SYNE2: variants seen among roughly 807,000 people sequenced by gnomAD.
SYNE2 encodes the protein nesprin-2.
SYNE2 carries 431 observed loss-of-function variants against 856.3 expected under a neutral mutation model. The observed-to-expected ratio is 0.50, with a 90% CI of 0.47 to 0.55. The LOEUF is 0.55. Among genes scored for constraint, SYNE2 ranks in the 20% least tolerant of loss-of-function variants. SYNE2 has a pLI of 0.00. For synonymous variants in SYNE2, 2,923 were observed against 2,872.3 expected, an observed-to-expected ratio of 1.02 and a Z score of -0.56; for missense variants, 8,129 against 8,023.2, an observed-to-expected ratio of 1.01 and a Z score of -0.50.
chr14:64,000,740 A>G (rs769430969), intron 28 of SYNE2, 21 bp downstream of exon 28: 1 of 1,603,156 alleles, frequency 6.2e-7, no homozygotes, highest in Admixed American at 1.7e-5. Flanking sequence ...GAGATCTATT[A>G]ACTATGAATC....
intron 25 of SYNE2, among the ~76,000 whole-genome samples, chr14:63,997,620 T>G (rs1441048325): frequency 6.6e-6 from 1 of 152,196 alleles, no homozygotes; most frequent in Non-Finnish European, 1.5e-5. Context: ...AATAGTTCTT[T>G]CAAGCAGAGA....
chr14:63,982,488 C>G, intron 16 of SYNE2, 142 bp from the exon 17 acceptor site: 2 of 776,424 alleles, frequency 2.6e-6, no homozygotes, highest in Non-Finnish European at 4.0e-6. Flanking sequence ...CCACTGCACT[C>G]CAGCCTGGGC....
intron 45 of SYNE2, among the ~76,000 whole-genome samples, chr14:64,036,583 CT>C (rs1274925277): frequency 6.6e-6 from 1 of 152,226 alleles, no homozygotes; most frequent in Non-Finnish European, 1.5e-5. Context: ...GCCACCACCC[CT>C]GGCCACCCTG....
chr14:63,922,234 G>T (rs1005774408), intron 2 of SYNE2, among the ~76,000 whole-genome samples: 1 of 152,050 alleles, frequency 6.6e-6, no homozygotes, highest in Non-Finnish European at 1.5e-5. Flanking sequence ...CGAACTCCTG[G>T]GCTCAAGTGA....
At chr14:64,011,513 C>T (rs2096845035) in intron 32 of SYNE2, among the ~76,000 whole-genome samples, 1 of 152,152 alleles carries the variant, frequency 6.6e-6, no homozygotes, top group South Asian at 2.1e-4. Flanking sequence ...CACCCTTCTG[C>T]CGTGTCCCCG....
intron 8 of SYNE2, chr14:63,956,576 T>C (rs1566905580): frequency 2.6e-6 from 1 of 392,042 alleles, no homozygotes; most frequent in South Asian, 1.9e-5. Context: ...ATAATTCACA[T>C]ACCATATGAT....
In SYNE2 at chr14:64,190,164, G is replaced by A; in HGVS notation, c.17965G>A (p.Ala5989Thr). 1 of 1,614,084 alleles carries A rather than the reference G, an allele frequency of 6.2e-7. No individual in the cohort carries two copies. The highest frequency in any genetic ancestry group is 8.5e-7 in the Non-Finnish European group (1 of 1,180,014). Residue 5989 changes from alanine to threonine, a missense_variant, in exon 99 of 116, where the codon GCA becomes ACA. Physicochemically the swap from Ala to Thr is moderately conservative, Grantham distance 58. Transcript: ENST00000555002. The stretch of plus-strand genomic sequence containing the variant: ...GATCAAGGCCAGCAACAAATCAAGA[G>A]CAGCTGAGATCGATGACAAGCTCAA... ...QLIKASNKSRAAEIDDKLNKI... is the reference protein window; with the variant it reads ...QLIKASNKSRTAEIDDKLNKI...
chr14:63,929,866 C>T (rs1348649130), intron 2 of SYNE2, among the ~76,000 whole-genome samples: 1 of 151,818 alleles, frequency 6.6e-6, no homozygotes, highest in Non-Finnish European at 1.5e-5. Context: ...AAATGTATTC[C>T]AGAATTCCAG....
intron 1 of SYNE2, among the ~76,000 whole-genome samples, chr14:63,766,646 C>T (rs1886696570): frequency 6.6e-6 from 1 of 152,164 alleles, no homozygotes; most frequent in South Asian, 2.1e-4. Flanking sequence ...TCTAGGTGTA[C>T]TGTTCTCCAG....
At chr14:63,774,929 GCAATCTGC>G in intron 1 of SYNE2, among the ~76,000 whole-genome samples, 1 of 151,928 alleles carries the variant, frequency 6.6e-6, no homozygotes, top group East Asian at 1.9e-4. Flanking sequence ...TGTAGGAAGG[GCAATCTGC>G]CAGTATTTTA....
intron 2 of SYNE2, among the ~76,000 whole-genome samples, chr14:63,911,165 C>T (rs940013525): frequency 2.0e-5 from 3 of 152,052 alleles, no homozygotes; most frequent in African/African-American, 7.2e-5. Flanking sequence ...CTCCCTGGTC[C>T]GCCAGCCTGT....
chr14:63,765,390 T>C (rs541009735), intron 1 of SYNE2, among the ~76,000 whole-genome samples: 1 of 152,316 alleles, frequency 6.6e-6, no homozygotes, highest in South Asian at 2.1e-4. Context: ...CCTCACTCTG[T>C]CACCCAGGCT....
chr14:64,170,227 G>C lies in SYNE2; in HGVS notation c.17001-1G>C. 6.2e-7 allele frequency: 1 copy of C among 1,613,448 alleles called. No individual in the cohort carries two copies. Among genetic ancestry groups the C allele is most frequent in the South Asian group, 1.1e-5 (1 of 91,022 alleles). On this transcript the variant is annotated splice_acceptor_variant, in intron 93 of 115. Coordinates refer to ENST00000555002, the MANE Select transcript of SYNE2 (RefSeq NM_182914.3). LOFTEE classifies it high-confidence loss of function. ...TTCTATAACCATTTGTTTTTCCCCA[G>C]ACCAGAATTTATTACAGAATTCTCA... is the stretch of plus-strand genomic sequence containing the variant.
intron 1 of SYNE2, among the ~76,000 whole-genome samples, chr14:63,845,364 C>A (rs1022731633): frequency 6.6e-6 from 1 of 150,658 alleles, no homozygotes; most frequent in Admixed American, 6.6e-5. Context: ...TGCAGTGAGC[C>A]GAGATCATGC....
At chr14:63,874,509 C>G (rs115889445) in intron 1 of SYNE2, among the ~76,000 whole-genome samples, 1 of 152,166 alleles carries the variant, frequency 6.6e-6, no homozygotes, top group South Asian at 2.1e-4. Context: ...TCTATGTAAC[C>G]TGCCTGAGCT....
chr14:63,988,017 G>A (rs1308470577), intron 19 of SYNE2, among the ~76,000 whole-genome samples: 6 of 152,202 alleles, frequency 3.9e-5, no homozygotes, highest in African/African-American at 1.4e-4. Context: ...AGATATACCT[G>A]TAACTGAGTC....
At chr14:64,188,498 G>A (rs2098502605) in intron 97 of SYNE2, 52 bp from the exon 98 acceptor site, 7 of 1,606,136 alleles carry the variant, frequency 4.4e-6, no homozygotes, top group African/African-American at 1.3e-5. Context: ...GAGAGAAGGG[G>A]GTGCTTTCCT....
Position 63,998,944 on chromosome 14 carries a change from C to T in SYNE2, c.3384C>T (p.His1128=). Residue 1128 remains histidine (H), a synonymous_variant, in exon 27 of 116, where the codon CAC becomes CAT. Transcript: ENST00000555002. ...RYDTYRDILE[H]HLQNNKFRIT... ...ATACATACAGAGATATTCTTGAACA[C>T]CACCTGCAAAACAACAAATTCAGGA... 2 of 1,614,100 alleles carry T rather than the reference C, an allele frequency of 1.2e-6. No homozygotes were observed. Among genetic ancestry groups the T allele is most frequent in the East Asian group, 2.2e-5 (1 of 44,870 alleles).
chr14:64,100,541 T>A (rs1387192967), intron 63 of SYNE2, among the ~76,000 whole-genome samples: 1,919 of 67,000 alleles, frequency 0.029, 182 homozygotes, highest in African/African-American at 0.17. Flanking sequence ...AATATATATA[T>A]ATATATATAT....
Sources: gnomAD v4.1 joint callset for allele counts (sites outside exome capture counted in the v4.1 genomes callset) on GRCh38, gnomAD v4.1.1 for gene constraint, MANE v1.5 for transcripts, NCBI Gene and HGNC (gene_info 2026-07-23, HGNC 2026-07-21) for gene names.